The following ARHGAP22 variants were observed in gnomAD, a reference collection of about 807,000 sequenced individuals.
ARHGAP22 encodes the protein rho GTPase-activating protein 22.
A neutral mutation model predicts 59.1 loss-of-function variants in ARHGAP22; 48 were observed. The ratio of observed to expected loss-of-function variants is 0.81; its 90% CI spans 0.64 to 1.03. The LOEUF is 1.03. ARHGAP22 is among the 50% of genes least tolerant of loss of function. The pLI is 0.00. For synonymous variants in ARHGAP22, 445 were observed against 416.4 expected (o/e 1.07, Z -0.84); for missense variants, 1,015 against 958.7 (o/e 1.06, Z -0.78).
At chr10:48,492,862 T>C (rs2050542206) in intron 3 of ARHGAP22, among the ~76,000 whole-genome samples, 2 of 152,324 alleles carry the variant, frequency 1.3e-5, no homozygotes, top group South Asian at 4.1e-4. Context: ...TAAATTACTT[T>C]CAATGGCAAA....
intron 1 of ARHGAP22, among the ~76,000 whole-genome samples, chr10:48,619,977 C>T (rs772258981): frequency 6.6e-6 from 1 of 152,144 alleles, no homozygotes; most frequent in Non-Finnish European, 1.5e-5. Context: ...CCATTATATA[C>T]AAGGAACTCA....
At chr10:48,463,427 A>T (rs2047346154) in intron 4 of ARHGAP22, among the ~76,000 whole-genome samples, 1 of 152,224 alleles carries the variant, frequency 6.6e-6, no homozygotes, top group East Asian at 1.9e-4. Flanking sequence ...GAGGGCATCC[A>T]GGAGGAAGTG....
intron 1 of ARHGAP22, among the ~76,000 whole-genome samples, chr10:48,611,541 C>T (rs963511036): frequency 3.3e-5 from 5 of 152,104 alleles, no homozygotes; most frequent in African/African-American, 1.2e-4. Context: ...GGTAAAGAGT[C>T]AGATTTTAGG....
intron 1 of ARHGAP22, among the ~76,000 whole-genome samples, chr10:48,649,546 C>T (rs1300920842): frequency 6.6e-6 from 1 of 152,206 alleles, no homozygotes; most frequent in African/African-American, 2.4e-5. Context: ...TCCCGAGGCA[C>T]AGTGGCTTCT....
chr10:48,474,265 A>G (rs1185080414), intron 4 of ARHGAP22, among the ~76,000 whole-genome samples: 1 of 152,196 alleles, frequency 6.6e-6, no homozygotes, highest in Non-Finnish European at 1.5e-5. Context: ...TGGCTACTGT[A>G]CACAAATAAA....
chr10:48,569,081 G>A (rs1239928622), intron 2 of ARHGAP22, among the ~76,000 whole-genome samples: 1 of 152,210 alleles, frequency 6.6e-6, no homozygotes, highest in Non-Finnish European at 1.5e-5. Flanking sequence ...TCCTTTGGCT[G>A]AAAATGGTTT....
intron 3 of ARHGAP22, among the ~76,000 whole-genome samples, chr10:48,510,205 G>C (rs1484401360): frequency 6.6e-6 from 1 of 152,144 alleles, no homozygotes; most frequent in Non-Finnish European, 1.5e-5. Context: ...AGAGACCACT[G>C]ATTTAGCGCA....
At chr10:48,568,926 G>A (rs1313341044) in intron 2 of ARHGAP22, among the ~76,000 whole-genome samples, 2 of 152,256 alleles carry the variant, frequency 1.3e-5, no homozygotes, top group African/African-American at 2.4e-5. Context: ...AACAGACCCA[G>A]CTACTCAGAC....
chr10:48,561,151 CAG>C (rs2057661994), intron 2 of ARHGAP22, among the ~76,000 whole-genome samples: 1 of 152,028 alleles, frequency 6.6e-6, no homozygotes, highest in African/African-American at 2.4e-5. Flanking sequence ...ATTAATGAAA[CAG>C]AATAGAAAGA....
At chr10:48,539,291 AT>A (rs56801787) in intron 3 of ARHGAP22, among the ~76,000 whole-genome samples, 91 of 136,278 alleles carry the variant, frequency 6.7e-4, no homozygotes, top group Admixed American at 1.3e-3. Flanking sequence ...GAAGGGTAAC[AT>A]TTTTTTTTTT....
intron 3 of ARHGAP22, among the ~76,000 whole-genome samples, chr10:48,505,753 C>T (rs957984335): frequency 6.6e-6 from 1 of 152,116 alleles, no homozygotes; most frequent in Middle Eastern, 3.2e-3. Context: ...GAGGGGTAGG[C>T]CAGGAGGGCT....
rs372402956 is a variant in ARHGAP22 at position 48,479,526 on chromosome 10, A to G, written c.451+110T>C. ...GCCTGCTGTGAGAAGCACAGGATGC[A>G]GCCAGCAAGTCCTCAGTGAGCAGGG... On this transcript the variant is annotated intron_variant, in intron 4 of 9. Coordinates refer to ENST00000249601, the MANE Select transcript of ARHGAP22 (RefSeq NM_021226.4). 5.1e-6 allele frequency: 8 copies of G among 1,580,462 alleles called. No homozygotes were observed. The South Asian group carries it at 9.3e-5, about 18-fold the overall frequency.
chr10:48,563,139 T>C (rs1183164354), intron 2 of ARHGAP22, among the ~76,000 whole-genome samples: 1 of 150,524 alleles, frequency 6.6e-6, no homozygotes, highest in Non-Finnish European at 1.5e-5. Context: ...CTTTCCACTA[T>C]AAAGAACTCT....
chr10:48,651,451 A>C (rs935179466), intron 1 of ARHGAP22, among the ~76,000 whole-genome samples: 1 of 151,636 alleles, frequency 6.6e-6, no homozygotes, highest in Non-Finnish European at 1.5e-5. Context: ...CCACCCAGTC[A>C]GCACCTGCAC....
Position 48,450,656 on chromosome 10 carries a change from G to A in ARHGAP22, c.1473C>T (p.Thr491=). The change falls in exon 9 of 10, where the codon ACC becomes ACT. Residue 491 remains threonine, a synonymous_variant. Transcript: ENST00000249601. ...GGCCCGGCGCGGGCACATTGTCGTA[G>A]GTGGAGAGTCTCTGCACGGAGCCCG... ...KDSGSVQRLS[T]YDNVPAPGLV... is the part of the protein sequence containing the mutation. 6.4e-7 allele frequency: 1 copy of A among 1,550,458 alleles called. No individual in the cohort carries two copies. Among genetic ancestry groups the A allele is most frequent in the South Asian group, 1.2e-5 (1 of 84,080 alleles).
intron 3 of ARHGAP22, among the ~76,000 whole-genome samples, chr10:48,530,593 C>CA (rs146706980): frequency 0.013 from 1,968 of 152,054 alleles, 47 homozygotes; most frequent in African/African-American, 0.045. Flanking sequence ...ACAATCCCAT[C>CA]AAAAAATGGG....
In ARHGAP22 at chr10:48,593,014, G is replaced by T. The variant is rs10430610; in HGVS notation, c.35-9862C>A. Among the ~76,000 whole-genome samples, 6 of 152,034 alleles carry T rather than the reference G, an allele frequency of 3.9e-5. No individual in the cohort carries two copies. In the East Asian group the frequency reaches 5.8e-4, roughly 15 times the overall value. ...CTGGGGACCGGCCACACGGCCTCTC[G>T]GCCTCCTTTATCCTCTCTTGTCCTG... On this transcript the variant is annotated intron_variant, in intron 1 of 9. Coordinates refer to ENST00000249601, the MANE Select transcript of ARHGAP22 (RefSeq NM_021226.4).
intron 2 of ARHGAP22, among the ~76,000 whole-genome samples, chr10:48,557,613 C>G (rs1235806426): frequency 6.6e-6 from 1 of 152,184 alleles, no homozygotes; most frequent in African/African-American, 2.4e-5. Flanking sequence ...ATGCTGGAGC[C>G]CCAGGCTTTA....
intron 3 of ARHGAP22, among the ~76,000 whole-genome samples, chr10:48,545,573 G>A (rs536782971): frequency 3.3e-5 from 5 of 152,330 alleles, no homozygotes; most frequent in East Asian, 1.9e-4. Flanking sequence ...ACCAGGTGCC[G>A]AGATAGGCCG....
Sources: allele counts gnomAD v4.1 joint callset (sites outside exome capture counted in the v4.1 genomes callset), GRCh38; gene constraint gnomAD v4.1.1; transcripts MANE v1.5; gene names NCBI Gene and HGNC (gene_info 2026-07-23, HGNC 2026-07-21).